NOMO2: variants seen among roughly 807,000 people sequenced by gnomAD.
The protein encoded by NOMO2 is NODAL modulator 2, also known as BOS complex subunit NOMO2.
Under a neutral mutation model 67.1 loss-of-function variants are expected in NOMO2, and 14 were observed. The ratio of observed to expected loss-of-function variants is 0.21; its 90% CI spans 0.14 to 0.33. The LOEUF is 0.33. Among genes scored for constraint, NOMO2 ranks in the 10% least tolerant of loss-of-function variants. The probability of loss-of-function intolerance (pLI) is 1.00; values close to 1 mark genes in which losing one functional copy is unlikely to be tolerated. For missense variants in NOMO2, 178 were observed against 761.0 expected, an observed-to-expected ratio of 0.23 and a Z score of 9.01; for synonymous variants, 80 against 305.9, an observed-to-expected ratio of 0.26 and a Z score of 7.71.
At chr16:18,547,564 G>C (rs900505415) in intron 5 of NOMO2, among the ~76,000 whole-genome samples, 2 of 152,010 alleles carry the variant, frequency 1.3e-5, no homozygotes, top group African/African-American at 4.8e-5. Context: ...TAATCTCAAG[G>C]ATTTCTGGCA....
At chr16:18,545,194 C>T (rs1901639188) in intron 6 of NOMO2, among the ~76,000 whole-genome samples, 1 of 148,642 alleles carries the variant, frequency 6.7e-6, no homozygotes, top group African/African-American at 2.5e-5. Flanking sequence ...CTCCCAGGTT[C>T]AAGCGATTCT....
At chr16:18,530,792 C>T (rs1225703222) in intron 14 of NOMO2, among the ~76,000 whole-genome samples, 3 of 79,132 alleles carry the variant, frequency 3.8e-5, no homozygotes, top group Non-Finnish European at 5.3e-5. Context: ...AAATGCCATA[C>T]GTCGGGGCAC....
At chr16:18,555,534 C>G (rs1901883688) in intron 2 of NOMO2, among the ~76,000 whole-genome samples, 1 of 150,672 alleles carries the variant, frequency 6.6e-6, no homozygotes, top group Non-Finnish European at 1.5e-5. Flanking sequence ...GATCCTGTCT[C>G]TAAACAATAC....
At chr16:18,527,972 T>C in intron 15 of NOMO2, 2 of 506,544 alleles carry the variant, frequency 3.9e-6, no homozygotes, top group South Asian at 3.1e-5. Context: ...GTAACGAAGC[T>C]GTGAAAATAA....
chr16:18,526,818 C>A (rs1472975441), intron 16 of NOMO2, among the ~76,000 whole-genome samples: 1 of 151,896 alleles, frequency 6.6e-6, no homozygotes, highest in Non-Finnish European at 1.5e-5. Flanking sequence ...GGATTCTGGC[C>A]GTGGTTGTGC....
intron 6 of NOMO2, among the ~76,000 whole-genome samples, chr16:18,544,414 G>C (rs913703488): frequency 6.6e-6 from 1 of 151,910 alleles, no homozygotes; most frequent in Admixed American, 6.6e-5. Flanking sequence ...CTGAAGATTA[G>C]CCTAAAGCTG....
intron 3 of NOMO2, among the ~76,000 whole-genome samples, chr16:18,552,814 C>T (rs1901818807): frequency 6.6e-6 from 1 of 151,998 alleles, no homozygotes; most frequent in Non-Finnish European, 1.5e-5. Context: ...CTCTATGGCT[C>T]AGCGACTTTA....
Position 18,533,132 on chromosome 16 carries a change from A to T in NOMO2, c.1268T>A (p.Val423Asp), listed in dbSNP as rs1596848156. 6.2e-7 allele frequency: 1 copy of T among 1,611,424 alleles called. No individual in the cohort carries two copies. The highest frequency in any genetic ancestry group is 8.5e-7 in the Non-Finnish European group (1 of 1,179,714). ...RISIIRFPDT[V>D]KQMNKYKVVL... ...AACTTTGTATTTATTCATCTGCTTGACGGTGTCCGGGAAGCGAATGATTGA... is the reference window on the plus strand; with the variant it reads ...AACTTTGTATTTATTCATCTGCTTGTCGGTGTCCGGGAAGCGAATGATTGA... The change falls in exon 12 of 31, where the codon GTC becomes GAC. Residue 423 changes from valine to aspartate, a missense_variant. Val to Asp is a radical substitution (Grantham distance 152, BLOSUM62 -3). Transcript: ENST00000622306.
At chr16:18,534,282 ATTTGTG>A (rs2141725510) in intron 11 of NOMO2, among the ~76,000 whole-genome samples, 1 of 149,072 alleles carries the variant, frequency 6.7e-6, no homozygotes, top group Non-Finnish European at 1.5e-5. Context: ...CCCCCCTCCC[ATTTGTG>A]TATGAACTGC....
chr16:18,560,771 G>A (rs1902020266), intron 1 of NOMO2, among the ~76,000 whole-genome samples: 1 of 151,756 alleles, frequency 6.6e-6, no homozygotes, highest in South Asian at 2.1e-4. Flanking sequence ...AGCTGATGGG[G>A]TGTGGAACTG....
chr16:18,540,034 T>G (rs962839199), intron 9 of NOMO2, among the ~76,000 whole-genome samples: 1 of 151,610 alleles, frequency 6.6e-6, no homozygotes, highest in Non-Finnish European at 1.5e-5. Flanking sequence ...TGTTACCTCA[T>G]GGAGACAGGG....
chr16:18,526,672 G>GT (rs1901153008), intron 16 of NOMO2, among the ~76,000 whole-genome samples: 2 of 151,494 alleles, frequency 1.3e-5, no homozygotes, highest in South Asian at 4.2e-4. Context: ...TACCAGCATC[G>GT]TATGATAAAC....
chr16:18,528,989 ATACATAT>A (rs1901222943), intron 15 of NOMO2, among the ~76,000 whole-genome samples: 2 of 36,264 alleles, frequency 5.5e-5, no homozygotes, highest in African/African-American at 1.7e-4. Context: ...AAAAAAAAAA[ATACATAT>A]ATATATATAT....
chr16:18,538,993 C>T, intron 9 of NOMO2, 29 bp from the exon 10 acceptor site: 1 of 1,600,412 alleles, frequency 6.2e-7, no homozygotes, highest in Non-Finnish European at 8.6e-7. Context: ...GAAGAAGGTG[C>T]TCGAAGGTGC....
At position 18,561,189 on chromosome 16, in the gene NOMO2, A is replaced by AC. The variant is rs1478668332; in HGVS notation, c.165+686_165+687insG. On this transcript the variant is annotated intron_variant, in intron 1 of 30. Coordinates refer to ENST00000622306, the MANE Select transcript of NOMO2 (RefSeq NM_173614.4). ...CAACTTAATTAAAAAAAAAAAAAAA[A>AC]AAAAAAAAAAAAAAAAAACCTTTAC... Among the ~76,000 whole-genome samples, 287 of 135,294 alleles carry AC rather than the reference A, an allele frequency of 2.1e-3. 4 individuals are homozygous for AC. Among genetic ancestry groups the AC allele is most frequent in the East Asian group, 0.012 (57 of 4,576 alleles). The allele number at this position is 135,294 out of a possible 152,430, so 88.8% of individuals were successfully genotyped here.
chr16:18,556,674 G>T (rs1460354906), intron 2 of NOMO2, among the ~76,000 whole-genome samples: 1 of 152,172 alleles, frequency 6.6e-6, no homozygotes, highest in Non-Finnish European at 1.5e-5. Context: ...CAAATAAAAG[G>T]TTTATAGGTG....
At chr16:18,536,480 CTTTA>C (rs1463775824) in intron 11 of NOMO2, among the ~76,000 whole-genome samples, 30 of 152,024 alleles carry the variant, frequency 2.0e-4, no homozygotes, top group Non-Finnish European at 3.7e-4. Flanking sequence ...ATTTTTATCT[CTTTA>C]TTTATTTTTA....
chr16:18,535,049 A>G (rs1054213853), intron 11 of NOMO2, among the ~76,000 whole-genome samples: 2 of 101,344 alleles, frequency 2.0e-5, no homozygotes, highest in African/African-American at 6.8e-5. Flanking sequence ...TTTACTTTAA[A>G]GGAAGACTAG....
intron 1 of NOMO2, chr16:18,558,831 A>G (rs1172838620): frequency 2.2e-6 from 1 of 455,570 alleles, no homozygotes; most frequent in Non-Finnish European, 4.4e-6. Flanking sequence ...GTACAGATTC[A>G]CATCAATGCA....
Sources: gnomAD v4.1 joint callset for allele counts (sites outside exome capture counted in the v4.1 genomes callset) on GRCh38, gnomAD v4.1.1 for gene constraint, MANE v1.5 for transcripts, NCBI Gene and HGNC (gene_info 2026-07-23, HGNC 2026-07-21) for gene names.